YIPF1: variants seen among roughly 807,000 people sequenced by gnomAD.
The protein encoded by YIPF1 is protein YIPF1.
A neutral mutation model predicts 37.0 loss-of-function variants in YIPF1; 22 were observed. That is an observed-to-expected ratio of 0.59 (90% confidence interval 0.42 to 0.85). The LOEUF (loss-of-function observed/expected upper bound fraction) is 0.85, where lower values mean the gene tolerates loss of function less well. Among genes scored for constraint, YIPF1 ranks in the 40% least tolerant of loss-of-function variants. The pLI is 0.00. For synonymous variants in YIPF1, 128 were observed against 131.9 expected, an observed-to-expected ratio of 0.97 and a Z score of 0.21; for missense variants, 355 against 373.1, an observed-to-expected ratio of 0.95 and a Z score of 0.40.
At position 53,866,864 on chromosome 1, in the gene YIPF1, C is replaced by A; in HGVS notation, c.542G>T (p.Gly181Val). The change falls in exon 8 of 11, where the codon GGT becomes GTT. Residue 181 changes from glycine to valine, a missense_variant. Gly to Val is a moderately radical substitution (Grantham distance 109). Coordinates refer to ENST00000072644, the MANE Select transcript of YIPF1 (RefSeq NM_018982.5). ...TTTGCTGTTTCTCCACATGAGGAAACCCCAGAGTGCAAGAGGAACCAGCCA... is the reference window on the plus strand; with the variant it reads ...TTTGCTGTTTCTCCACATGAGGAAAACCCAGAGTGCAAGAGGAACCAGCCA... ...YAWLVPLALW[G>V]FLMWRNSKVM... is the part of the protein sequence containing the mutation. 1 of 1,614,150 alleles carries A rather than the reference C, an allele frequency of 6.2e-7. No individual in the cohort carries two copies. The highest frequency in any genetic ancestry group is 8.5e-7 in the Non-Finnish European group (1 of 1,180,032).
chr1:53,869,154 T>TCACACA (rs1274579917), intron 7 of YIPF1, among the ~76,000 whole-genome samples: 2 of 127,406 alleles, frequency 1.6e-5, no homozygotes, highest in South Asian at 2.6e-4. Flanking sequence ...TCTCTCTCTC[T>TCACACA]CTCTCTCACA....
rs1436265670 is a variant in YIPF1, at chr1:53,854,859, G to A, written c.*9-2589C>T. The stretch of plus-strand genomic sequence containing the variant: ...AGCTTTCTCCAAGTGTCTGCTGGGT[G>A]CTAGGGAGCTATATTGGTAAATAAA... On this transcript the variant is annotated intron_variant, in intron 10 of 10. Transcript: ENST00000072644. 1.5e-4 allele frequency: 23 copies of A among 152,072 alleles called. 1 individual carries two copies. Among genetic ancestry groups the A allele is most frequent in the Admixed American group, 1.5e-3 (23 of 15,266 alleles). The allele number at this position is 152,072 out of a possible 1,614,324, so 9.4% of individuals were successfully genotyped here. A position where few individuals can be genotyped will look rare whatever the true frequency, so the allele number is the denominator to read the frequency against.
At chr1:53,857,702 C>T (rs1329766267) in intron 10 of YIPF1, among the ~76,000 whole-genome samples, 2 of 152,076 alleles carry the variant, frequency 1.3e-5, no homozygotes, top group African/African-American at 4.8e-5. Flanking sequence ...TTTTGTCAGG[C>T]CGGGCGCGAT....
Position 53,878,635 on chromosome 1 carries a change from T to A in YIPF1, c.276+7A>T. 6.3e-7 allele frequency: 1 copy of A among 1,599,160 alleles called. No individual in the cohort carries two copies. Among genetic ancestry groups the A allele is most frequent in the Non-Finnish European group, 8.5e-7 (1 of 1,177,024 alleles). ...CGTAAAAGGAAAGGTGAAATTGGTT[T>A]CCAAACCTGGTAGGTGTCCACATCA... is the stretch of plus-strand genomic sequence containing the variant. On this transcript the variant is annotated splice_region_variant and intron_variant, in intron 5 of 10. Coordinates refer to ENST00000072644, the MANE Select transcript of YIPF1 (RefSeq NM_018982.5).
At chr1:53,871,213 G>A (rs540380048) in intron 7 of YIPF1, among the ~76,000 whole-genome samples, 159 bp downstream of exon 7, 37 of 151,870 alleles carry the variant, frequency 2.4e-4, no homozygotes, top group Non-Finnish European at 4.6e-4. Context: ...TATATAGATG[G>A]GTGGTAAACT....
chr1:53,881,913 T>C (rs967000251), intron 4 of YIPF1, among the ~76,000 whole-genome samples: 13 of 152,232 alleles, frequency 8.5e-5, no homozygotes, highest in Admixed American at 6.5e-4. Context: ...TGCACATTTA[T>C]GTTCACTGCA....
In YIPF1 at chr1:53,887,936, C is replaced by T. The variant is rs981046408; in HGVS notation, c.31+971G>A. On this transcript the variant is annotated intron_variant, in intron 3 of 10. Transcript: ENST00000072644. Reference sequence around the variant, plus strand: ...AATGTTAGGTAAGGTGTTAATAAAACAAGTAAGTGGGCCAGGCCTGGTGGT... The same window carrying T: ...AATGTTAGGTAAGGTGTTAATAAAATAAGTAAGTGGGCCAGGCCTGGTGGT... Among the ~76,000 whole-genome samples, 11 of 152,130 alleles carry T rather than the reference C, an allele frequency of 7.2e-5. 1 individual carries two copies. Among genetic ancestry groups the T allele is most frequent in the Admixed American group, 7.2e-4 (11 of 15,270 alleles).
chr1:53,863,356 A>AAG (rs1231791387), intron 9 of YIPF1, among the ~76,000 whole-genome samples: 1 of 152,184 alleles, frequency 6.6e-6, no homozygotes, highest in East Asian at 1.9e-4. Context: ...TTACTTGGGT[A>AAG]CTATGGAGGA....
In YIPF1 at chr1:53,878,655, A is replaced by G. The variant is rs1398644076; in HGVS notation, c.263T>C (p.Val88Ala). The change falls in exon 5 of 11, where the codon GTG becomes GCG. Residue 88 changes from valine to alanine, a missense_variant. Val to Ala is a moderately conservative substitution (Grantham distance 64). Coordinates refer to ENST00000072644, the MANE Select transcript of YIPF1 (RefSeq NM_018982.5). ...TFEYYQTFFDVDTYQVFDRIK... is the reference protein window; with the variant it reads ...TFEYYQTFFDADTYQVFDRIK... Reference sequence around the variant, plus strand: ...TGGTTTCCAAACCTGGTAGGTGTCCACATCAAAGAATGTTTGGTAGTATTC... The same window carrying G: ...TGGTTTCCAAACCTGGTAGGTGTCCGCATCAAAGAATGTTTGGTAGTATTC... 1 of 1,604,188 alleles carries G rather than the reference A, an allele frequency of 6.2e-7. No homozygotes were observed. The highest frequency in any genetic ancestry group is 1.3e-5 in the African/African-American group (1 of 74,210).
chr1:53,878,331 GCT>G lies in YIPF1; in HGVS notation c.346_347del (p.Ser116GlnfsTer21). On this transcript the variant is annotated frameshift_variant, in exon 6 of 11. Transcript: ENST00000072644. LOFTEE classifies it high-confidence loss of function. ...GKNFVRLYIR[S>X]NPDLYGPFWI... ...TAAACATACCATAGAGATCTGGATT[GCT>G]GCGGATATATAACCTCACAAAGTTT... 1 of 1,614,024 alleles carries G rather than the reference GCT, an allele frequency of 6.2e-7. No homozygotes were observed. Among genetic ancestry groups the G allele is most frequent in the Non-Finnish European group, 8.5e-7 (1 of 1,179,958 alleles).
rs1569666580 is a variant in YIPF1 at position 53,889,002 on chromosome 1, A to T, written c.-49-16T>A. 4 of 1,408,974 alleles carry T rather than the reference A, an allele frequency of 2.8e-6. No individual in the cohort carries two copies. The highest frequency in any genetic ancestry group is 4.0e-6 in the Non-Finnish European group (4 of 998,036). 87.3% of individuals were successfully genotyped at this position (1,408,974 alleles called of 1,614,324 possible). A position where few individuals can be genotyped will look rare whatever the true frequency, so the allele number is the denominator to read the frequency against. ...TTGCAGGGTTCTAAAAGAAAAAAAT[A>T]GGTAAACATAATAGGATGACAGTAT... is the stretch of plus-strand genomic sequence containing the variant. On this transcript the variant is annotated splice_polypyrimidine_tract_variant and intron_variant, in intron 2 of 10. Coordinates refer to ENST00000072644, the MANE Select transcript of YIPF1 (RefSeq NM_018982.5).
rs1649825233 is a variant in YIPF1, at chr1:53,860,074, T to C, written c.911A>G (p.Lys304Arg). The change falls in exon 10 of 11, where the codon AAG becomes AGG. Residue 304 changes from lysine to arginine, a missense_variant. By Grantham distance (26) the Lys-to-Arg change is conservative (BLOSUM62 2). Coordinates refer to ENST00000072644, the MANE Select transcript of YIPF1 (RefSeq NM_018982.5). ...ATPNQTVAAA[K>R]SS is the part of the protein sequence containing the mutation. ...CTCTTACTTTCCTCATTAGCTGGAC[T>C]TGGCTGCAGCAACTGTTTGGTTTGG... 6.2e-7 allele frequency: 1 copy of C among 1,614,120 alleles called. No homozygotes were observed. The highest frequency in any genetic ancestry group is 1.6e-4 in the Middle Eastern group (1 of 6,062).
At chr1:53,886,185 G>C (rs1650646962) in intron 3 of YIPF1, among the ~76,000 whole-genome samples, 1 of 151,844 alleles carries the variant, frequency 6.6e-6, no homozygotes, top group Non-Finnish European at 1.5e-5. Flanking sequence ...GGCCAGAGGT[G>C]CTGGGGATGG....
At chr1:53,869,160 T>TCACACACA (rs55922911) in intron 7 of YIPF1, among the ~76,000 whole-genome samples, 97 of 138,046 alleles carry the variant, frequency 7.0e-4, no homozygotes, top group African/African-American at 2.4e-3. Flanking sequence ...TCTCTCTCTC[T>TCACACACA]CACACACACA....
chr1:53,887,039 T>G (rs542800724), intron 3 of YIPF1, among the ~76,000 whole-genome samples: 9 of 151,844 alleles, frequency 5.9e-5, no homozygotes, highest in Non-Finnish European at 7.4e-5. Context: ...CTGCATCATA[T>G]AGGGGCCTCC....
chr1:53,853,767 G>A (rs1324636288), intron 10 of YIPF1, among the ~76,000 whole-genome samples: 2 of 152,196 alleles, frequency 1.3e-5, no homozygotes, highest in African/African-American at 4.8e-5. Flanking sequence ...AGAACCTAAA[G>A]CCCTGATCAG....
At chr1:53,865,233 C>G (rs1649985378) in intron 9 of YIPF1, among the ~76,000 whole-genome samples, 1 of 152,114 alleles carries the variant, frequency 6.6e-6, no homozygotes, top group Non-Finnish European at 1.5e-5. Context: ...AAAAATCTTT[C>G]TAGGTATGTG....
chr1:53,879,478 C>A (rs1275590761), intron 4 of YIPF1, among the ~76,000 whole-genome samples: 1 of 151,358 alleles, frequency 6.6e-6, no homozygotes, highest in African/African-American at 2.4e-5. Context: ...TATATTGACT[C>A]ACTCTAAAGT....
At chr1:53,887,412 G>A (rs1650685270) in intron 3 of YIPF1, among the ~76,000 whole-genome samples, 1 of 151,858 alleles carries the variant, frequency 6.6e-6, no homozygotes, top group African/African-American at 2.4e-5. Context: ...GGGAGCTACT[G>A]GAAGGTTCTG....
Sources: gnomAD v4.1 joint callset for allele counts (sites outside exome capture counted in the v4.1 genomes callset) on GRCh38, gnomAD v4.1.1 for gene constraint, MANE v1.5 for transcripts, NCBI Gene and HGNC (gene_info 2026-07-23, HGNC 2026-07-21) for gene names.